CDH13: variants seen among roughly 807,000 people sequenced by gnomAD.
CDH13 encodes the protein cadherin 13, also known as cadherin-13.
In CDH13, 24 loss-of-function variants were observed where a neutral mutation model predicts 63.8. That is an observed-to-expected ratio of 0.38 (90% confidence interval 0.27 to 0.53). CDH13 has a LOEUF of 0.53. Among genes scored for constraint, CDH13 ranks in the 20% least tolerant of loss-of-function variants. CDH13 has a pLI of 0.85. For missense variants in CDH13, 1,049 were observed against 903.1 expected (o/e 1.16, Z -2.07); for synonymous variants, 503 against 355.3 (o/e 1.42, Z -4.67).
intron 1 of CDH13, among the ~76,000 whole-genome samples, chr16:82,692,048 T>C (rs971414819): frequency 9.2e-5 from 14 of 152,246 alleles, no homozygotes; most frequent in Admixed American, 6.5e-5. Flanking sequence ...CTGTCACTTT[T>C]AGGGGATATG....
intron 2 of CDH13, among the ~76,000 whole-genome samples, chr16:82,980,283 C>A (rs1219517353): frequency 6.6e-6 from 1 of 152,132 alleles, no homozygotes; most frequent in African/African-American, 2.4e-5. Flanking sequence ...CCTGCCTTCC[C>A]TCTGTAATGA....
intron 6 of CDH13, among the ~76,000 whole-genome samples, chr16:83,444,596 C>T (rs973455141): frequency 1.3e-5 from 2 of 152,122 alleles, no homozygotes; most frequent in Non-Finnish European, 2.9e-5. Context: ...TTGTGAAGAG[C>T]CAGTCATAGT....
Position 82,988,591 on chromosome 16 carries a change from G to A in CDH13, c.158-43419G>A, listed in dbSNP as rs532722567. 8.6e-5 allele frequency among the ~76,000 whole-genome samples: 13 copies of A among 151,970 alleles called. No homozygotes were observed. In the East Asian group the frequency reaches 1.2e-3, roughly 14 times the overall value. ...TGCCTGGCCAACATGGTGAAACCCCGTCTCTACAAAAATACAAAAATTAGC... is the reference window on the plus strand; with the variant it reads ...TGCCTGGCCAACATGGTGAAACCCCATCTCTACAAAAATACAAAAATTAGC... On this transcript the variant is annotated intron_variant, in intron 2 of 13. Transcript: ENST00000567109.
chr16:83,223,892 AAGTT>A (rs1382585503), intron 5 of CDH13, among the ~76,000 whole-genome samples: 3 of 152,032 alleles, frequency 2.0e-5, no homozygotes, highest in African/African-American at 7.2e-5. Context: ...TTGCATGAGT[AAGTT>A]CTTTAGTGGT....
intron 7 of CDH13, among the ~76,000 whole-genome samples, chr16:83,551,821 G>A (rs185883614): frequency 1.3e-5 from 2 of 152,278 alleles, no homozygotes; most frequent in South Asian, 2.1e-4. Context: ...CAAGTCAGGG[G>A]CCATAACATC....
At position 82,629,022 on chromosome 16, in the gene CDH13, T is replaced by C. The variant is rs78563223; in HGVS notation, c.45+1885T>C. On this transcript the variant is annotated intron_variant, in intron 1 of 13. Coordinates refer to ENST00000567109, the MANE Select transcript of CDH13 (RefSeq NM_001257.5). ...TGTCTGAGAGCACTTACCATTGCCT[T>C]GTCCAGGACTTCACAGTCCTCTTTC... is the stretch of plus-strand genomic sequence containing the variant. Among the ~76,000 whole-genome samples, 872 of 152,352 alleles carry C rather than the reference T, an allele frequency of 5.7e-3. 9 individuals are homozygous for C. The highest frequency in any genetic ancestry group is 0.019 in the African/African-American group (772 of 41,590).
chr16:83,665,558 A>G (rs1052660693), intron 8 of CDH13, among the ~76,000 whole-genome samples: 2 of 152,210 alleles, frequency 1.3e-5, no homozygotes, highest in African/African-American at 2.4e-5. Flanking sequence ...CATCACAAAT[A>G]GAAATTAGTG....
chr16:83,153,714 G>A (rs2037086711), intron 4 of CDH13, among the ~76,000 whole-genome samples: 1 of 152,140 alleles, frequency 6.6e-6, no homozygotes, highest in Non-Finnish European at 1.5e-5. Flanking sequence ...TTCTCCCTTA[G>A]AGACTCAGAA....
chr16:82,677,018 G>GGACTACAGGCACCTGC (rs1266587691), intron 1 of CDH13, among the ~76,000 whole-genome samples: 3 of 152,146 alleles, frequency 2.0e-5, no homozygotes, highest in Non-Finnish European at 4.4e-5. Context: ...CAAGTAGCTG[G>GGACTACAGGCACCTGC]GACTACAGGC....
At chr16:83,107,933 C>T (rs2034857127) in intron 3 of CDH13, among the ~76,000 whole-genome samples, 1 of 151,990 alleles carries the variant, frequency 6.6e-6, no homozygotes, top group Non-Finnish European at 1.5e-5. Flanking sequence ...AATTCCCTGC[C>T]TCAGCCTCCC....
intron 6 of CDH13, among the ~76,000 whole-genome samples, chr16:83,375,474 G>A (rs756017279): frequency 2.6e-5 from 4 of 152,168 alleles, no homozygotes; most frequent in Non-Finnish European, 5.9e-5. Flanking sequence ...TCTGTTGTGT[G>A]CAGAGAAATA....
At chr16:83,261,024 T>G (rs1168020481) in intron 5 of CDH13, among the ~76,000 whole-genome samples, 1 of 152,020 alleles carries the variant, frequency 6.6e-6, no homozygotes, top group Non-Finnish European at 1.5e-5. Context: ...CCCATGTCCT[T>G]TGGCCCTTGC....
intron 4 of CDH13, among the ~76,000 whole-genome samples, chr16:83,158,390 C>T (rs1358176252): frequency 2.0e-5 from 3 of 152,048 alleles, no homozygotes; most frequent in Non-Finnish European, 2.9e-5. Context: ...CACACTTGAC[C>T]ACGTCTTTAT....
At chr16:83,393,604 A>G (rs2091828852) in intron 6 of CDH13, among the ~76,000 whole-genome samples, 1 of 152,188 alleles carries the variant, frequency 6.6e-6, no homozygotes, top group South Asian at 2.1e-4. Flanking sequence ...ATGTTATTGC[A>G]ATTATGGCTC....
At position 82,798,770 on chromosome 16, in the gene CDH13, C is replaced by G. The variant is rs146914145; in HGVS notation, c.46-59592C>G. Among the ~76,000 whole-genome samples, 7 of 152,220 alleles carry G rather than the reference C, an allele frequency of 4.6e-5. No individual in the cohort carries two copies. In the East Asian group the frequency reaches 1.4e-3, roughly 29 times the overall value. On this transcript the variant is annotated intron_variant, in intron 1 of 13. Transcript: ENST00000567109. ...CCCAGGTAGAGCTGGGGGTTGGTGT[C>G]TTTGCTCCGTTAAGACGATTGCAAG...
intron 1 of CDH13, among the ~76,000 whole-genome samples, chr16:82,838,006 C>G (rs761491172): frequency 1.3e-5 from 2 of 152,192 alleles, no homozygotes; most frequent in African/African-American, 2.4e-5. Flanking sequence ...AAGGCCCCTA[C>G]TAACTCTCTG....
intron 5 of CDH13, among the ~76,000 whole-genome samples, chr16:83,332,048 T>C (rs1440075518): frequency 6.6e-6 from 1 of 152,180 alleles, no homozygotes; most frequent in Non-Finnish European, 1.5e-5. Flanking sequence ...ATTGATAATA[T>C]ATGAGAGTTT....
chr16:82,727,397 C>T (rs1035433323), intron 1 of CDH13: 2 of 152,122 alleles, frequency 1.3e-5, no homozygotes, highest in African/African-American at 4.8e-5. Flanking sequence ...CAGCTTAAAT[C>T]ACAAATGTCT....
chr16:82,891,418 A>G (rs1032335393), intron 2 of CDH13, among the ~76,000 whole-genome samples: 7 of 152,166 alleles, frequency 4.6e-5, no homozygotes, highest in Admixed American at 3.3e-4. Context: ...GGCTGTTTGT[A>G]TTCCTCTTGG....
Sources: gnomAD v4.1 joint callset for allele counts (sites outside exome capture counted in the v4.1 genomes callset) on GRCh38, gnomAD v4.1.1 for gene constraint, MANE v1.5 for transcripts, NCBI Gene and HGNC (gene_info 2026-07-23, HGNC 2026-07-21) for gene names.